Variants in CAVIN1 observed in about 807,000 individuals in gnomAD.
CAVIN1 encodes the protein caveolae associated protein 1, also known as caveolae-associated protein 1.
CAVIN1 carries 16 observed loss-of-function variants against 24.0 expected under a neutral mutation model. The observed-to-expected ratio is 0.67, with a 90% CI of 0.45 to 1.01. CAVIN1 has a LOEUF of 1.01. Among genes scored for constraint, CAVIN1 ranks in the 50% least tolerant of loss-of-function variants. The pLI, the probability that CAVIN1 is intolerant of heterozygous loss-of-function variation, is 0.00. For missense variants in CAVIN1, 510 were observed against 551.7 expected (o/e 0.92, Z 0.76); for synonymous variants, 256 against 256.4 (o/e 1.00, Z 0.02).
intron 1 of CAVIN1, among the ~76,000 whole-genome samples, chr17:42,408,156 G>A (rs2085456393): frequency 6.6e-6 from 1 of 152,106 alleles, no homozygotes; most frequent in Non-Finnish European, 1.5e-5. Flanking sequence ...ATAGGCTAGG[G>A]AGGGATTAAG....
intron 1 of CAVIN1, among the ~76,000 whole-genome samples, chr17:42,405,682 G>GTTTTTTTTTGT (rs2085441117): frequency 1.7e-5 from 1 of 57,828 alleles, no homozygotes; most frequent in Non-Finnish European, 3.8e-5. Flanking sequence ...CTCTCTCCTT[G>GTTTTTTTTTGT]TTTTTTTTTT....
At position 42,404,592 on chromosome 17, in the gene CAVIN1, A is replaced by C. The variant is rs951924513; in HGVS notation, c.*95T>G. 1 of 889,110 alleles carries C rather than the reference A, an allele frequency of 1.1e-6. No individual in the cohort carries two copies. Among genetic ancestry groups the C allele is most frequent in the African/African-American group, 1.8e-5 (1 of 55,772 alleles). 55.1% of individuals were successfully genotyped at this position (889,110 alleles called of 1,614,324 possible). A position where few individuals can be genotyped will look rare whatever the true frequency, so the allele number is the denominator to read the frequency against. On this transcript the variant is annotated 3_prime_UTR_variant, in exon 2 of 2. Coordinates refer to ENST00000357037, the MANE Select transcript of CAVIN1 (RefSeq NM_012232.6). The stretch of plus-strand genomic sequence containing the variant: ...GTGTGGGGAGGGGGGCGTGTTTTCA[A>C]TTTAGAAAAATCTCAGCCAGCTCGA...
chr17:42,412,812 T>C (rs2145479955), intron 1 of CAVIN1, among the ~76,000 whole-genome samples: 1 of 151,572 alleles, frequency 6.6e-6, no homozygotes, highest in South Asian at 2.1e-4. Flanking sequence ...AGACCGGGTT[T>C]CACTGTGTTG....
In CAVIN1 at chr17:42,404,768, C is replaced by T; in HGVS notation, c.1092G>A (p.Gly364=). 2 of 1,576,292 alleles carry T rather than the reference C, an allele frequency of 1.3e-6. No individual in the cohort carries two copies. Among genetic ancestry groups the T allele is most frequent in the Non-Finnish European group, 1.7e-6 (2 of 1,163,294 alleles). The part of the protein sequence containing the change: ...ERGEAGDLRR[G]SSPDVHALLE... ...GCAGCGCGTGCACGTCGGGGCTGCT[C>T]CCGCGCCGCAGGTCGCCGGCCTCCC... The change falls in exon 2 of 2, where the codon GGG becomes GGA. Residue 364 remains glycine, a synonymous_variant. Transcript: ENST00000357037.
Position 42,405,286 on chromosome 17 carries a change from G to T in CAVIN1, c.574C>A (p.Pro192Thr). The T allele has an allele frequency of 1.2e-6, 2 of 1,612,712 alleles. No homozygotes were observed. The highest frequency in any genetic ancestry group is 8.5e-7 in the Non-Finnish European group (1 of 1,179,950). Residue 192 changes from proline to threonine, a missense_variant, in exon 2 of 2, where the codon CCC becomes ACC. By Grantham distance (38) the Pro-to-Thr change is conservative. Transcript: ENST00000357037. ...EGEELGEGER[P>T]EEDAAALELS... ...TCCAGCGCCGCTGCGTCCTCCTCGG[G>T]CCGCTCGCCCTCGCCCAGCTCCTCG...
Position 42,421,996 on chromosome 17 carries a change from C to T in CAVIN1, c.471+631G>A, listed in dbSNP as rs533913242. On this transcript the variant is annotated intron_variant, in intron 1 of 1. Transcript: ENST00000357037. ...TCAAGGGCCTGAAAATGCCTGGTGG[C>T]CAGGAGCAGAGAGCAGCGAGGGGAC... Among the ~76,000 whole-genome samples, 21 of 152,298 alleles carry T rather than the reference C, an allele frequency of 1.4e-4. No homozygotes were observed. The South Asian group carries it at 4.3e-3, about 32-fold the overall frequency.
Position 42,411,406 on chromosome 17 carries a change from C to A in CAVIN1, c.472-6018G>T, listed in dbSNP as rs887564620. ...CCATCTCTAAAAAAAATTTTTTTAA[C>A]ATTTTTTTTAAGTTGAGAAACACTC... On this transcript the variant is annotated intron_variant, in intron 1 of 1. Transcript: ENST00000357037. The A allele has an allele frequency of 4.1e-6, 4 of 984,382 alleles. No individual in the cohort carries two copies. The South Asian group carries it at 1.4e-4, about 35-fold the overall frequency. The allele number at this position is 984,382 out of a possible 1,614,324, so 61.0% of individuals were successfully genotyped here. A position where few individuals can be genotyped will look rare whatever the true frequency, so the allele number is the denominator to read the frequency against.
intron 1 of CAVIN1, among the ~76,000 whole-genome samples, chr17:42,421,920 G>T (rs2085549821): frequency 6.8e-6 from 1 of 147,648 alleles, no homozygotes; most frequent in African/African-American, 2.5e-5. Flanking sequence ...GCCCAGCCCC[G>T]CCCGCTTCCA....
intron 1 of CAVIN1, among the ~76,000 whole-genome samples, chr17:42,413,085 C>A (rs2085489852): frequency 6.6e-6 from 1 of 151,052 alleles, no homozygotes; most frequent in Non-Finnish European, 1.5e-5. Context: ...GTGGGTGCCA[C>A]CATGCTCAGC....
chr17:42,406,890 T>G (rs2085449805), intron 1 of CAVIN1, among the ~76,000 whole-genome samples: 1 of 152,186 alleles, frequency 6.6e-6, no homozygotes, highest in Non-Finnish European at 1.5e-5. Flanking sequence ...TGGTTGTGAC[T>G]TCCCTACTTT....
At chr17:42,406,845 C>G (rs1014142910) in intron 1 of CAVIN1, among the ~76,000 whole-genome samples, 1 of 152,000 alleles carries the variant, frequency 6.6e-6, no homozygotes, top group Non-Finnish European at 1.5e-5. Flanking sequence ...CTGGGAGCCA[C>G]GGACATGTTT....
Position 42,405,226 on chromosome 17 carries a change from C to T in CAVIN1, c.634G>A (p.Val212Ile), listed in dbSNP as rs745314619. ...SSDEAVEVEE[V>I]IEESRAERIK... ...CGCTCTGCGCGGGACTCCTCAATAA[C>T]CTCCTCAACCTCCACCGCCTCGTCC... Residue 212 changes from valine to isoleucine, a missense_variant, in exon 2 of 2, where the codon GTT (valine) becomes ATT (isoleucine). Transcript: ENST00000357037. 6.2e-7 allele frequency: 1 copy of T among 1,613,932 alleles called. No homozygotes were observed. Among genetic ancestry groups the T allele is most frequent in the Non-Finnish European group, 8.5e-7 (1 of 1,179,946 alleles).
intron 1 of CAVIN1, among the ~76,000 whole-genome samples, 189 bp downstream of exon 1, chr17:42,422,438 C>T (rs2085555584): frequency 6.6e-6 from 1 of 152,080 alleles, no homozygotes; most frequent in Non-Finnish European, 1.5e-5. Context: ...CCGCCGCTCC[C>T]TCCACCCCAT....
intron 1 of CAVIN1, chr17:42,411,988 G>A: frequency 1.0e-6 from 1 of 985,432 alleles, no homozygotes; most frequent in Non-Finnish European, 1.2e-6. Flanking sequence ...CTAGGCTGTG[G>A]GCTGACAGTG....
chr17:42,421,157 G>T (rs949985461), intron 1 of CAVIN1, among the ~76,000 whole-genome samples: 3 of 152,226 alleles, frequency 2.0e-5, no homozygotes, highest in Admixed American at 2.0e-4. Flanking sequence ...GGGGACAAGT[G>T]CCACTTCTGC....
intron 1 of CAVIN1, among the ~76,000 whole-genome samples, chr17:42,409,456 G>A (rs1253319365): frequency 2.0e-5 from 3 of 152,054 alleles, no homozygotes; most frequent in Non-Finnish European, 4.4e-5. Flanking sequence ...AGGGATCTGG[G>A]GGCTCTAACC....
intron 1 of CAVIN1, among the ~76,000 whole-genome samples, chr17:42,413,566 G>GAAAAAAAAAAAAA (rs60085741): frequency 1.6e-4 from 9 of 56,972 alleles, no homozygotes; most frequent in Admixed American, 2.6e-4. Flanking sequence ...CTCAAAAAGG[G>GAAAAAAAAAAAAA]AAAAAAAAAA....
rs2085417204 is a variant in CAVIN1 at position 42,402,472 on chromosome 17, T to C, written c.*2215A>G. 6.6e-6 allele frequency: 1 copy of C among 152,236 alleles called. No homozygotes were observed. The highest frequency in any genetic ancestry group is 1.5e-5 in the Non-Finnish European group (1 of 68,072). The allele number at this position is 152,236 out of a possible 1,614,324, so 9.4% of individuals were successfully genotyped here. A position where few individuals can be genotyped will look rare whatever the true frequency, so the allele number is the denominator to read the frequency against. ...GATCCTTTTAGAAAAGCAGGTTTAT[T>C]GGTCGGGCTGCTCACCAGGACACAG... On this transcript the variant is annotated 3_prime_UTR_variant, in exon 2 of 2. Coordinates refer to ENST00000357037, the MANE Select transcript of CAVIN1 (RefSeq NM_012232.6).
In CAVIN1 at chr17:42,405,693, T is replaced by TTG. The variant is rs1555586066; in HGVS notation, c.472-306_472-305insCA. Reference sequence around the variant, plus strand: ...CTCTCTCTCTCCTTGTTTTTTTTTTTTTTTTTTTTTTTAAACGGAGTCTCG... The same window carrying TTG: ...CTCTCTCTCTCCTTGTTTTTTTTTTTTGTTTTTTTTTTTTAAACGGAGTCTCG... On this transcript the variant is annotated intron_variant, in intron 1 of 1. Transcript: ENST00000357037. Among the ~76,000 whole-genome samples, 129 of 60,874 alleles carry TTG rather than the reference T, an allele frequency of 2.1e-3. No individual in the cohort carries two copies. In the Middle Eastern group the frequency reaches 0.028, roughly 13 times the overall value. The allele number at this position is 60,874 out of a possible 152,430, so 39.9% of individuals were successfully genotyped here.
Sources: allele counts gnomAD v4.1 joint callset (sites outside exome capture counted in the v4.1 genomes callset), GRCh38; gene constraint gnomAD v4.1.1; transcripts MANE v1.5; gene names NCBI Gene and HGNC (gene_info 2026-07-23, HGNC 2026-07-21).